Variants in MARCHF8 observed in about 807,000 individuals in gnomAD.
MARCHF8 encodes the protein membrane associated ring-CH-type finger 8, also known as E3 ubiquitin-protein ligase MARCHF8.
MARCHF8 carries 40 observed loss-of-function variants against 51.6 expected under a neutral mutation model. The observed-to-expected ratio is 0.77, with a 90% CI of 0.60 to 1.01. The LOEUF is 1.01. Among genes scored for constraint, MARCHF8 ranks in the 50% least tolerant of loss-of-function variants. MARCHF8 has a pLI of 0.00. For missense variants in MARCHF8, 685 were observed against 708.6 expected (o/e 0.97, Z 0.38); for synonymous variants, 263 against 280.3 (o/e 0.94, Z 0.62).
chr10:45,478,964 C>T (rs2042836620), intron 3 of MARCHF8, among the ~76,000 whole-genome samples: 1 of 152,174 alleles, frequency 6.6e-6, no homozygotes, highest in Non-Finnish European at 1.5e-5. Flanking sequence ...TTCCAAAAAA[C>T]TGAAGAAGAG....
chr10:45,459,784 C>G (rs1842728072), intron 6 of MARCHF8: 3 of 985,308 alleles, frequency 3.0e-6, no homozygotes, highest in African/African-American at 1.7e-5. Context: ...GAAATCGACG[C>G]TAAGAGTTCC....
intron 1 of MARCHF8, among the ~76,000 whole-genome samples, chr10:45,580,377 T>C (rs1448466356): frequency 6.6e-6 from 1 of 151,988 alleles, no homozygotes; most frequent in East Asian, 1.9e-4. Context: ...TGAAAATAAG[T>C]AGGGAATATG....
chr10:45,590,944 C>T (rs878970104), intron 1 of MARCHF8, among the ~76,000 whole-genome samples: 6 of 152,208 alleles, frequency 3.9e-5, no homozygotes, highest in African/African-American at 1.4e-4. Flanking sequence ...TAACTGATGA[C>T]GTTCCACCAT....
At chr10:45,500,260 T>C (rs2133136945) in intron 2 of MARCHF8, among the ~76,000 whole-genome samples, 1 of 152,292 alleles carries the variant, frequency 6.6e-6, no homozygotes, top group Non-Finnish European at 1.5e-5. Context: ...ACACAGCTGA[T>C]TTGTGTGTGT....
Position 45,463,986 on chromosome 10 carries a change from C to T in MARCHF8, c.253G>A (p.Val85Met), listed in dbSNP as rs1267502367. The T allele has an allele frequency of 2.0e-6, 3 of 1,534,950 alleles. No individual in the cohort carries two copies. The South Asian group carries it at 3.6e-5, about 18-fold the overall frequency. ...CTGTGGTGACAACACTCAGAAAACA[C>T]TGCACTGGAACTGCATGCAGAACAG... ...SSQDICSSSA[V>M]FSECCHHSSV... is the part of the protein sequence containing the mutation. The change falls in exon 5 of 8, where the codon GTG (valine) becomes ATG (methionine). Residue 85 changes from valine to methionine, a missense_variant. Physicochemically the swap from Val to Met is conservative, Grantham distance 21 (BLOSUM62 1). Transcript: ENST00000453424.
chr10:45,545,398 T>C (rs1183090044), intron 1 of MARCHF8, among the ~76,000 whole-genome samples: 1 of 152,206 alleles, frequency 6.6e-6, no homozygotes, highest in African/African-American at 2.4e-5. Flanking sequence ...CAAATCCTGA[T>C]CAAGTACCCT....
At position 45,463,186 on chromosome 10, in the gene MARCHF8, G is replaced by C. The variant is rs1842848403; in HGVS notation, c.1053C>G (p.Pro351=). The C allele has an allele frequency of 6.4e-7, 1 of 1,550,442 alleles. No individual in the cohort carries two copies. The highest frequency in any genetic ancestry group is 1.4e-5 in the African/African-American group (1 of 73,028). ...CCCCTGACGTGGACACGGGAGATAT[G>C]GGGGGTAATTTTTCAGAGAAGGGAG... is the stretch of plus-strand genomic sequence containing the variant. ...CPSPFSEKLP[P]ISPVSTSGDV... is the part of the protein sequence containing the mutation. Residue 351 remains proline (P), a synonymous_variant, in exon 5 of 8, where the codon CCC becomes CCG. Transcript: ENST00000453424.
chr10:45,503,563 A>G (rs1046962226), intron 2 of MARCHF8, among the ~76,000 whole-genome samples: 1 of 151,002 alleles, frequency 6.6e-6, no homozygotes, highest in Non-Finnish European at 1.5e-5. Context: ...AAATAAATAA[A>G]TAAATAAAAT....
At chr10:45,581,036 A>G (rs1307152557) in intron 1 of MARCHF8, among the ~76,000 whole-genome samples, 2 of 152,126 alleles carry the variant, frequency 1.3e-5, no homozygotes, top group Non-Finnish European at 2.9e-5. Context: ...CAAGGCTGGG[A>G]ACACGGAGAA....
chr10:45,539,423 G>A (rs1012946114), upstream of MARCHF8, among the ~76,000 whole-genome samples: 1 of 152,122 alleles, frequency 6.6e-6, no homozygotes, highest in Non-Finnish European at 1.5e-5. Context: ...AGAAGCAAGA[G>A]CAAACACATT....
intron 3 of MARCHF8, among the ~76,000 whole-genome samples, chr10:45,471,888 A>C (rs1041902701): frequency 6.6e-6 from 1 of 152,240 alleles, no homozygotes; most frequent in Admixed American, 6.5e-5. Flanking sequence ...TTGATGACCT[A>C]GAGAGTAAAC....
chr10:45,500,261 TTGTG>T (rs896999020), intron 2 of MARCHF8, among the ~76,000 whole-genome samples: 5 of 152,184 alleles, frequency 3.3e-5, no homozygotes, highest in Non-Finnish European at 5.9e-5. Context: ...CACAGCTGAT[TTGTG>T]TGTGTGTGTT....
chr10:45,509,243 T>C (rs1241749385), intron 2 of MARCHF8, among the ~76,000 whole-genome samples: 1 of 152,242 alleles, frequency 6.6e-6, no homozygotes, highest in Non-Finnish European at 1.5e-5. Context: ...ATTAACTAGA[T>C]ATGGCTGAAT....
intron 1 of MARCHF8, among the ~76,000 whole-genome samples, chr10:45,546,863 C>T (rs537473000): frequency 2.0e-5 from 3 of 151,776 alleles, no homozygotes; most frequent in Admixed American, 6.6e-5. Context: ...ACAAACATAT[C>T]CCACAGACTA....
At chr10:45,496,634 C>T (rs1029177230) in intron 2 of MARCHF8, among the ~76,000 whole-genome samples, 1 of 151,960 alleles carries the variant, frequency 6.6e-6, no homozygotes, top group Non-Finnish European at 1.5e-5. Flanking sequence ...ATAACTGCTA[C>T]AATGTATTGT....
At chr10:45,546,641 G>C (rs1360550530) in intron 1 of MARCHF8, among the ~76,000 whole-genome samples, 1 of 151,910 alleles carries the variant, frequency 6.6e-6, no homozygotes, top group East Asian at 1.9e-4. Flanking sequence ...AAAAATTGCT[G>C]GGCGTGGTGG....
At chr10:45,585,109 A>G (rs2044604368) in intron 1 of MARCHF8, among the ~76,000 whole-genome samples, 1 of 152,184 alleles carries the variant, frequency 6.6e-6, no homozygotes, top group Non-Finnish European at 1.5e-5. Flanking sequence ...TAGGACCATG[A>G]GATTTTAAAA....
intron 1 of MARCHF8, chr10:45,553,009 T>C (rs2044212425): frequency 6.6e-6 from 1 of 152,206 alleles, no homozygotes; most frequent in African/African-American, 2.4e-5. Flanking sequence ...CATATTACTT[T>C]CCTTAAAATT....
chr10:45,469,447 C>T (rs1843084613), intron 3 of MARCHF8, among the ~76,000 whole-genome samples: 1 of 152,094 alleles, frequency 6.6e-6, no homozygotes, highest in Admixed American at 6.5e-5. Context: ...GGGTGATGAC[C>T]TATGTTTTTA....
Sources: allele counts gnomAD v4.1 joint callset (sites outside exome capture counted in the v4.1 genomes callset), GRCh38; gene constraint gnomAD v4.1.1; transcripts MANE v1.5; gene names NCBI Gene and HGNC (gene_info 2026-07-23, HGNC 2026-07-21).